Variants in LEPR observed in about 807,000 individuals in gnomAD.
The protein encoded by LEPR is OB receptor.
A neutral mutation model predicts 114.7 loss-of-function variants in LEPR; 56 were observed. The observed-to-expected ratio is 0.49, with a 90% CI of 0.39 to 0.61. The LOEUF (loss-of-function observed/expected upper bound fraction) is 0.61, where lower values mean the gene tolerates loss of function less well. Ranked by LOEUF, LEPR falls within the 20% of genes least tolerant of loss-of-function variation. The probability of loss-of-function intolerance (pLI) is 0.00; values close to 1 mark genes in which losing one functional copy is unlikely to be tolerated. For synonymous variants in LEPR, 443 were observed against 461.4 expected, an observed-to-expected ratio of 0.96 and a Z score of 0.51; for missense variants, 1,202 against 1,352.9, an observed-to-expected ratio of 0.89 and a Z score of 1.75.
At chr1:65,572,583 T>A in intron 5 of LEPR, 134 bp downstream of exon 5, 1 of 954,878 alleles carries the variant, frequency 1.0e-6, no homozygotes, top group Non-Finnish European at 1.5e-6. Context: ...AATATAGCAT[T>A]CTGCTCTGTT....
At chr1:65,518,913 C>CTTTCTTTCTTTCTTTCTT (rs1557636361) in intron 2 of LEPR, among the ~76,000 whole-genome samples, 1 of 79,552 alleles carries the variant, frequency 1.3e-5, no homozygotes, top group African/African-American at 4.0e-5. Context: ...TTCTTTCTTT[C>CTTTCTTTCTTTCTTTCTT]TTTCTCTCTT....
At chr1:65,457,309 T>C (rs1287940898) in intron 2 of LEPR, among the ~76,000 whole-genome samples, 1 of 152,192 alleles carries the variant, frequency 6.6e-6, no homozygotes, top group Non-Finnish European at 1.5e-5. Flanking sequence ...CACTTTCTTC[T>C]CCTTCTGTAT....
intron 10 of LEPR, among the ~76,000 whole-genome samples, chr1:65,603,817 G>T (rs1405459329): frequency 1.3e-5 from 2 of 151,746 alleles, no homozygotes; most frequent in African/African-American, 4.8e-5. Context: ...CTGCTTTATG[G>T]GTTCTGAGGT....
chr1:65,464,235 G>A (rs1283994346), intron 2 of LEPR, among the ~76,000 whole-genome samples: 3 of 152,270 alleles, frequency 2.0e-5, no homozygotes, highest in Non-Finnish European at 4.4e-5. Flanking sequence ...TTAGCATGAA[G>A]GGCGGTTGAA....
chr1:65,598,745 G>A lies in LEPR; in HGVS notation c.935G>A (p.Arg312Lys). The change falls in exon 8 of 20, where the codon AGA (arginine) becomes AAA (lysine). Residue 312 changes from arginine to lysine, a missense_variant. Physicochemically the swap from Arg to Lys is conservative, Grantham distance 26. Transcript: ENST00000349533. ...TATGAGGTTCAGGTGAGGGGCAAGA[G>A]ACTGGATGGCCCAGGAATCTGGAGT... Reference protein sequence around the residue: ...SSYEVQVRGKRLDGPGIWSDW... With the variant: ...SSYEVQVRGKKLDGPGIWSDW... The A allele has an allele frequency of 6.2e-7, 1 of 1,613,546 alleles. No individual in the cohort carries two copies. Among genetic ancestry groups the A allele is most frequent in the Non-Finnish European group, 8.5e-7 (1 of 1,179,592 alleles).
chr1:65,456,144 T>C (rs879590502), intron 2 of LEPR, among the ~76,000 whole-genome samples: 1 of 152,082 alleles, frequency 6.6e-6, no homozygotes, highest in Non-Finnish European at 1.5e-5. Flanking sequence ...CTTCGGCTCG[T>C]GCACGGTGCG....
chr1:65,615,934 G>T (rs1657498135), intron 14 of LEPR, 74 bp from the exon 15 acceptor site: 1 of 1,587,798 alleles, frequency 6.3e-7, no homozygotes, highest in African/African-American at 1.3e-5. Context: ...AATGTAGAAT[G>T]AGAGTTATGT....
At chr1:65,483,171 G>GA (rs1353054510) in intron 2 of LEPR, among the ~76,000 whole-genome samples, 16 of 152,092 alleles carry the variant, frequency 1.1e-4, no homozygotes, top group African/African-American at 3.9e-4. Context: ...ACAGCAGAAA[G>GA]CAGACTTGGA....
intron 2 of LEPR, among the ~76,000 whole-genome samples, chr1:65,430,625 T>C (rs12065099): frequency 0.13 from 19,838 of 152,214 alleles, 2,445 homozygotes; most frequent in African/African-American, 0.33. Flanking sequence ...TCCCTCCAAT[T>C]ACGTTCTATT....
chr1:65,493,993 G>T (rs1030842770), intron 2 of LEPR: 1 of 152,138 alleles, frequency 6.6e-6, no homozygotes, highest in Admixed American at 6.6e-5. Flanking sequence ...ACAAGGAGTT[G>T]ATTCCGTCTG....
chr1:65,595,272 C>G, intron 6 of LEPR, among the ~76,000 whole-genome samples: 1 of 140,000 alleles, frequency 7.1e-6, no homozygotes, highest in Non-Finnish European at 1.5e-5. Context: ...GAATTCTTTA[C>G]GTTGTTCCAA....
At chr1:65,556,681 A>T (rs1307148194) in intron 2 of LEPR, among the ~76,000 whole-genome samples, 1 of 152,102 alleles carries the variant, frequency 6.6e-6, no homozygotes, top group Non-Finnish European at 1.5e-5. Flanking sequence ...GCCTCTTTGA[A>T]GGTTGCTTTT....
chr1:65,437,633 A>G (rs954577861), intron 2 of LEPR, among the ~76,000 whole-genome samples: 1 of 151,786 alleles, frequency 6.6e-6, no homozygotes, highest in Non-Finnish European at 1.5e-5. Context: ...CGACAGAGGG[A>G]GACCCCGTCT....
In LEPR at chr1:65,572,435, T is replaced by A; in HGVS notation, c.480T>A (p.His160Gln). 1 of 1,596,428 alleles carries A rather than the reference T, an allele frequency of 6.3e-7. No individual in the cohort carries two copies. Among genetic ancestry groups the A allele is most frequent in the Non-Finnish European group, 8.6e-7 (1 of 1,168,420 alleles). ...TCAGGAATTATAACTATAAGGTCCA[T>A]CTTTTATATGTTCTGTAAGTACCAA... Reference protein sequence around the residue: ...NLFRNYNYKVHLLYVLPEVLE... With the variant: ...NLFRNYNYKVQLLYVLPEVLE... The change falls in exon 5 of 20, where the codon CAT (histidine) becomes CAA (glutamine). Residue 160 changes from histidine (H) to glutamine (Q), a missense_variant. Physicochemically the swap from His to Gln is conservative, Grantham distance 24. Transcript: ENST00000349533.
chr1:65,427,027 G>A (rs2101689196), intron 2 of LEPR, among the ~76,000 whole-genome samples: 1 of 151,760 alleles, frequency 6.6e-6, no homozygotes, highest in South Asian at 2.1e-4. Context: ...TGATGATGTG[G>A]TTAAGACCTA....
At chr1:65,567,042 G>A (rs1653815800) in intron 3 of LEPR, among the ~76,000 whole-genome samples, 1 of 152,010 alleles carries the variant, frequency 6.6e-6, no homozygotes, top group Non-Finnish European at 1.5e-5. Context: ...TTGACTTTCT[G>A]GAAGGTTTCT....
chr1:65,570,858 C>G, intron 4 of LEPR, 56 bp downstream of exon 4: 2 of 1,401,580 alleles, frequency 1.4e-6, no homozygotes, highest in Non-Finnish European at 1.9e-6. Flanking sequence ...TTCTTTGATA[C>G]CTGTATGAAA....
chr1:65,445,462 G>T (rs1332388756), intron 2 of LEPR, among the ~76,000 whole-genome samples: 1 of 152,128 alleles, frequency 6.6e-6, no homozygotes, highest in South Asian at 2.1e-4. Flanking sequence ...GACACATCTT[G>T]TTCACGTATC....
At chr1:65,591,470 C>G (rs1270443782) in intron 5 of LEPR, among the ~76,000 whole-genome samples, 1 of 152,042 alleles carries the variant, frequency 6.6e-6, no homozygotes, top group Non-Finnish European at 1.5e-5. Context: ...TTAAGGTTCT[C>G]TCAATCTTTT....
Sources: allele counts gnomAD v4.1 joint callset (sites outside exome capture counted in the v4.1 genomes callset), GRCh38; gene constraint gnomAD v4.1.1; transcripts MANE v1.5; gene names NCBI Gene and HGNC (gene_info 2026-07-23, HGNC 2026-07-21).